Variants in RGS13 observed in about 807,000 individuals in gnomAD.
RGS13 encodes the protein regulator of G-protein signalling 13.
Under a neutral mutation model 19.9 loss-of-function variants are expected in RGS13, and 14 were observed. The observed-to-expected ratio is 0.70, with a 90% CI of 0.46 to 1.10. The LOEUF (loss-of-function observed/expected upper bound fraction) is 1.10, where lower values mean the gene tolerates loss of function less well. Ranked by LOEUF, RGS13 falls within the 50% of genes least tolerant of loss-of-function variation. The probability of loss-of-function intolerance (pLI) is 0.00; values close to 1 mark genes in which losing one functional copy is unlikely to be tolerated. For synonymous variants in RGS13, 60 were observed against 56.8 expected, an observed-to-expected ratio of 1.06 and a Z score of -0.25; for missense variants, 205 against 187.1, an observed-to-expected ratio of 1.10 and a Z score of -0.56.
At chr1:192,652,702 C>G (rs942087995) in intron 5 of RGS13, among the ~76,000 whole-genome samples, 6 of 151,984 alleles carry the variant, frequency 3.9e-5, no homozygotes, top group Admixed American at 1.3e-4. Context: ...TAACTAAGGT[C>G]TGCTTCTTCA....
chr1:192,659,784 A>G lies in RGS13; in HGVS notation c.*261A>G. On this transcript the variant is annotated 3_prime_UTR_variant, in exon 7 of 7. Transcript: ENST00000391995. ...AAGGAAGGTCTTTCTTCATGATACA[A>G]GCATTATAAAGTTTTTACTGTAGTA... is the stretch of plus-strand genomic sequence containing the variant. The G allele has an allele frequency of 3.3e-6, 1 of 299,194 alleles. No individual in the cohort carries two copies. 18.5% of individuals were successfully genotyped at this position (299,194 alleles called of 1,614,324 possible).
intron 3 of RGS13, among the ~76,000 whole-genome samples, chr1:192,639,279 G>A (rs976594136): frequency 1.3e-5 from 2 of 152,098 alleles, no homozygotes; most frequent in African/African-American, 4.8e-5. Context: ...CATTTAAAGG[G>A]AAGCTGTGGC....
At chr1:192,649,007 T>G (rs1194369570) in intron 5 of RGS13, among the ~76,000 whole-genome samples, 2 of 152,132 alleles carry the variant, frequency 1.3e-5, no homozygotes, top group Non-Finnish European at 2.9e-5. Context: ...ACTTGGCTAC[T>G]CCTGCTGAAA....
chr1:192,638,358 G>T, intron 3 of RGS13, among the ~76,000 whole-genome samples, 155 bp downstream of exon 3: 1 of 151,854 alleles, frequency 6.6e-6, no homozygotes, highest in East Asian at 1.9e-4. Context: ...TTAGTGTTTG[G>T]GTTGGAAGAG....
At chr1:192,644,447 G>T in intron 4 of RGS13, 48 bp downstream of exon 4, 18 of 1,302,290 alleles carry the variant, frequency 1.4e-5, no homozygotes, top group Non-Finnish European at 2.0e-5. Flanking sequence ...ATATTTATCA[G>T]ATGATAAATA....
At chr1:192,649,084 C>G (rs762821869) in intron 5 of RGS13, among the ~76,000 whole-genome samples, 1 of 152,132 alleles carries the variant, frequency 6.6e-6, no homozygotes, top group African/African-American at 2.4e-5. Context: ...CCTCTACAGG[C>G]TTGGGTCACC....
At position 192,659,866 on chromosome 1, in the gene RGS13, G is replaced by T. The variant is rs1663582313; in HGVS notation, c.*343G>T. The stretch of plus-strand genomic sequence containing the variant: ...ATTTTGTGTCATAATTTACAAATTA[G>T]TTCTTTAAAAATTGTTGTTATATGA... On this transcript the variant is annotated 3_prime_UTR_variant, in exon 7 of 7. Transcript: ENST00000391995. 1 of 188,972 alleles carries T rather than the reference G, an allele frequency of 5.3e-6. No homozygotes were observed. Among genetic ancestry groups the T allele is most frequent in the Admixed American group, 6.1e-5 (1 of 16,502 alleles). The allele number at this position is 188,972 out of a possible 1,614,324, so 11.7% of individuals were successfully genotyped here. A position where few individuals can be genotyped will look rare whatever the true frequency, so the allele number is the denominator to read the frequency against.
At chr1:192,647,660 A>G (rs925220078) in intron 4 of RGS13, 5 of 173,392 alleles carry the variant, frequency 2.9e-5, no homozygotes, top group African/African-American at 1.2e-4. Context: ...ATTAATAGGG[A>G]GATTATAGGA....
chr1:192,659,172 A>G (rs973363970), intron 6 of RGS13, 166 bp from the exon 7 acceptor site: 3 of 473,224 alleles, frequency 6.3e-6, no homozygotes, highest in Admixed American at 8.1e-5. Context: ...TTAAAAGAGC[A>G]AAATGTTTAT....
At chr1:192,651,977 A>G (rs1226577604) in intron 5 of RGS13, among the ~76,000 whole-genome samples, 6 of 152,056 alleles carry the variant, frequency 3.9e-5, no homozygotes, top group African/African-American at 1.4e-4. Flanking sequence ...GCGAGACCAC[A>G]GTTGTATATT....
chr1:192,657,127 T>C (rs1340669753), intron 5 of RGS13, among the ~76,000 whole-genome samples: 1 of 152,106 alleles, frequency 6.6e-6, no homozygotes, highest in East Asian at 1.9e-4. Context: ...TCAAGTTGTA[T>C]TAAATTATGT....
Position 192,658,378 on chromosome 1 carries a change from G to A in RGS13, c.294+11G>A. The A allele has an allele frequency of 6.2e-7, 1 of 1,604,096 alleles. No homozygotes were observed. The highest frequency in any genetic ancestry group is 1.1e-5 in the South Asian group (1 of 89,890). On this transcript the variant is annotated intron_variant, in intron 6 of 6. Transcript: ENST00000391995. ...CAGTCCCCTAGAGAGGTAACTACCT[G>A]ACAATGACAGGAATGGAAATCAGTT...
Position 192,660,210 on chromosome 1 carries a change from A to G in RGS13, c.*687A>G, listed in dbSNP as rs1384456791. Reference sequence around the variant, plus strand: ...TATTTTGAGATGTTTTTTCCTTACAATGTGAACTCATCGTGATCTTGGAAA... The same window carrying G: ...TATTTTGAGATGTTTTTTCCTTACAGTGTGAACTCATCGTGATCTTGGAAA... On this transcript the variant is annotated 3_prime_UTR_variant, in exon 7 of 7. Coordinates refer to ENST00000391995, the MANE Select transcript of RGS13 (RefSeq NM_002927.5). The G allele has an allele frequency of 6.6e-6, 1 of 152,218 alleles. No individual in the cohort carries two copies. Among genetic ancestry groups the G allele is most frequent in the East Asian group, 1.9e-4 (1 of 5,188 alleles). 9.4% of individuals were successfully genotyped at this position (152,218 alleles called of 1,614,324 possible).
Position 192,658,404 on chromosome 1 carries a change from C to T in RGS13, c.294+37C>T, listed in dbSNP as rs367673070. ...ACAATGACAGGAATGGAAATCAGTT[C>T]ATCCCTGCAAGGGCATTAATATCTG... is the stretch of plus-strand genomic sequence containing the variant. On this transcript the variant is annotated intron_variant, in intron 6 of 6. Coordinates refer to ENST00000391995, the MANE Select transcript of RGS13 (RefSeq NM_002927.5). The T allele has an allele frequency of 3.8e-6, 6 of 1,585,042 alleles. No homozygotes were observed. The African/African-American group carries it at 6.8e-5, about 18-fold the overall frequency.
At chr1:192,648,458 G>A (rs756228721) in intron 5 of RGS13, among the ~76,000 whole-genome samples, 1 of 152,062 alleles carries the variant, frequency 6.6e-6, no homozygotes, top group Admixed American at 6.6e-5. Flanking sequence ...ACATTAACAT[G>A]GTACAAATAA....
chr1:192,640,154 G>A (rs943555403), intron 3 of RGS13, among the ~76,000 whole-genome samples: 3 of 151,946 alleles, frequency 2.0e-5, no homozygotes, highest in African/African-American at 7.2e-5. Flanking sequence ...GAGAAGACAT[G>A]TGAAGGAAGT....
intron 4 of RGS13, chr1:192,647,636 A>G (rs1348020800): frequency 6.1e-6 from 1 of 163,502 alleles, no homozygotes. Flanking sequence ...TCAAAATACT[A>G]ATAGTGGTAA....
chr1:192,651,008 C>T (rs6691609), intron 5 of RGS13, among the ~76,000 whole-genome samples: 12,025 of 151,828 alleles, frequency 0.079, 920 homozygotes, highest in African/African-American at 0.19. Flanking sequence ...ACAAAAGTCA[C>T]AGGGCTGTGA....
At chr1:192,646,888 G>C (rs1017321034) in intron 4 of RGS13, 9 of 152,064 alleles carry the variant, frequency 5.9e-5, no homozygotes, top group African/African-American at 9.7e-5. Flanking sequence ...TTGTATTTGA[G>C]AATACAGTCA....
Sources: gnomAD v4.1 joint callset for allele counts (sites outside exome capture counted in the v4.1 genomes callset) on GRCh38, gnomAD v4.1.1 for gene constraint, MANE v1.5 for transcripts, NCBI Gene and HGNC (gene_info 2026-07-23, HGNC 2026-07-21) for gene names.